AP3B1: variants seen among roughly 807,000 people sequenced by gnomAD.
AP3B1 encodes the protein adaptor related protein complex 3 subunit beta 1, also known as AP-3 complex subunit beta-1.
AP3B1 carries 61 observed loss-of-function variants against 132.5 expected under a neutral mutation model. The observed-to-expected ratio is 0.46, with a 90% CI of 0.37 to 0.57. The LOEUF is 0.57. AP3B1 is among the 20% of genes least tolerant of loss of function. The pLI is 0.00. For missense variants in AP3B1, 1,120 were observed against 1,289.4 expected (o/e 0.87, Z 2.01); for synonymous variants, 388 against 438.3 (o/e 0.89, Z 1.43).
intron 1 of AP3B1, among the ~76,000 whole-genome samples, chr5:78,277,579 A>G (rs534094405): frequency 6.6e-6 from 1 of 152,374 alleles, no homozygotes; most frequent in Admixed American, 6.5e-5. Flanking sequence ...TCGAAGTACA[A>G]GGAGACAACC....
At chr5:78,204,740 T>A (rs912240695) in intron 7 of AP3B1, among the ~76,000 whole-genome samples, 1 of 152,176 alleles carries the variant, frequency 6.6e-6, no homozygotes, top group African/African-American at 2.4e-5. Context: ...CACACCTCTT[T>A]GCGAACAGAA....
At chr5:78,158,416 A>G (rs888057142) in intron 13 of AP3B1, among the ~76,000 whole-genome samples, 4 of 152,074 alleles carry the variant, frequency 2.6e-5, no homozygotes, top group African/African-American at 9.7e-5. Context: ...CGTGATCACA[A>G]CACTATACTC....
intron 24 of AP3B1, among the ~76,000 whole-genome samples, chr5:78,027,346 C>T (rs188210788): frequency 5.3e-5 from 8 of 152,204 alleles, no homozygotes; most frequent in East Asian, 1.9e-4. Flanking sequence ...TCTTTCCCCA[C>T]GGATTTGAAA....
intron 22 of AP3B1, among the ~76,000 whole-genome samples, chr5:78,039,919 T>C (rs965553346): frequency 9.9e-5 from 15 of 151,902 alleles, no homozygotes; most frequent in African/African-American, 3.6e-4. Flanking sequence ...TTAGTTTTTT[T>C]CCCTAGATCC....
intron 11 of AP3B1, 45 bp downstream of exon 11, chr5:78,175,581 A>G (rs1198375515): frequency 6.7e-7 from 1 of 1,491,446 alleles, no homozygotes; most frequent in South Asian, 1.1e-5. Flanking sequence ...ATATCTCTTC[A>G]AAACAAATGT....
At chr5:78,018,396 T>G (rs1746944058) in intron 25 of AP3B1, among the ~76,000 whole-genome samples, 2 of 152,042 alleles carry the variant, frequency 1.3e-5, no homozygotes, top group African/African-American at 4.8e-5. Context: ...ATGTTGCATA[T>G]TAGAAATAAA....
intron 3 of AP3B1, among the ~76,000 whole-genome samples, chr5:78,233,237 C>CTTTTTTTTT (rs71613940): frequency 1.4e-5 from 2 of 139,308 alleles, no homozygotes; most frequent in African/African-American, 2.7e-5. Context: ...TTTCTTTTTT[C>CTTTTTTTTT]TTTTTTTTTT....
intron 26 of AP3B1, among the ~76,000 whole-genome samples, chr5:78,006,061 A>T (rs750604606): frequency 6.6e-6 from 1 of 152,190 alleles, no homozygotes; most frequent in Non-Finnish European, 1.5e-5. Flanking sequence ...GAAATTTTTG[A>T]TCACTATAAT....
intron 22 of AP3B1, among the ~76,000 whole-genome samples, chr5:78,059,927 T>G (rs182607266): frequency 6.6e-6 from 1 of 152,150 alleles, no homozygotes; most frequent in African/African-American, 2.4e-5. Context: ...TTAGAAGTAG[T>G]AGTGATAGAT....
intron 7 of AP3B1, among the ~76,000 whole-genome samples, chr5:78,211,955 C>T (rs1745755448): frequency 6.6e-6 from 1 of 152,150 alleles, no homozygotes; most frequent in African/African-American, 2.4e-5. Context: ...TATAATAATT[C>T]TGATTGCCCT....
At chr5:78,270,364 T>C (rs923879382) in intron 1 of AP3B1, among the ~76,000 whole-genome samples, 1 of 152,258 alleles carries the variant, frequency 6.6e-6, no homozygotes, top group South Asian at 2.1e-4. Context: ...AAAATTATGG[T>C]ACACCAAAAT....
chr5:78,262,048 C>T (rs752262959), intron 2 of AP3B1, among the ~76,000 whole-genome samples: 3 of 152,184 alleles, frequency 2.0e-5, no homozygotes, highest in Non-Finnish European at 4.4e-5. Flanking sequence ...GGATTACAGG[C>T]GTGAGCCACC....
Position 78,294,168 on chromosome 5 carries a change from TTCAA to T in AP3B1, c.128+280_128+283del, listed in dbSNP as rs141171444. ...ACTCCTGAGCCCAGCCCAAGTCCAA[TTCAA>T]TCAGTGTCTTCAGGGGTGGGATCTA... On this transcript the variant is annotated intron_variant, in intron 1 of 26. Transcript: ENST00000255194. 0.01 allele frequency among the ~76,000 whole-genome samples: 1,530 copies of T among 152,268 alleles called. 21 individuals carry two copies. Among genetic ancestry groups the T allele is most frequent in the African/African-American group, 0.034 (1,413 of 41,560 alleles).
intron 23 of AP3B1, among the ~76,000 whole-genome samples, chr5:78,035,266 AATATGT>A (rs1747759812): frequency 6.6e-6 from 1 of 151,998 alleles, no homozygotes; most frequent in Non-Finnish European, 1.5e-5. Flanking sequence ...ATCTTAAATA[AATATGT>A]ATATATTTGT....
At chr5:78,245,224 C>A (rs866514775) in intron 2 of AP3B1, among the ~76,000 whole-genome samples, 4 of 152,110 alleles carry the variant, frequency 2.6e-5, no homozygotes, top group South Asian at 4.1e-4. Context: ...ACGTTCAGGG[C>A]GAAACAGTGA....
At chr5:78,003,101 T>TA (rs1561346910) in intron 26 of AP3B1, 46 bp from the exon 27 acceptor site, 1 of 1,590,444 alleles carries the variant, frequency 6.3e-7, no homozygotes, top group Admixed American at 1.7e-5. Context: ...ATGGGGAGGG[T>TA]AAAGGAGATA....
chr5:78,042,043 A>G (rs896105149), intron 22 of AP3B1: 3 of 211,770 alleles, frequency 1.4e-5, no homozygotes, highest in Non-Finnish European at 3.0e-5. Flanking sequence ...AGAGCTGGCC[A>G]CCTGCTCTTT....
chr5:78,233,937 T>C (rs536935968), intron 3 of AP3B1, among the ~76,000 whole-genome samples: 3 of 152,204 alleles, frequency 2.0e-5, no homozygotes, highest in East Asian at 1.9e-4. Flanking sequence ...ACTCTTCCCC[T>C]AAGAGCATCT....
intron 20 of AP3B1, among the ~76,000 whole-genome samples, chr5:78,106,462 A>AG (rs1561410322): frequency 4.6e-5 from 7 of 151,264 alleles, no homozygotes; most frequent in African/African-American, 1.7e-4. Flanking sequence ...TGTCTCAAAA[A>AG]AAAGAAAGAA....
Sources: allele counts gnomAD v4.1 joint callset (sites outside exome capture counted in the v4.1 genomes callset), GRCh38; gene constraint gnomAD v4.1.1; transcripts MANE v1.5; gene names NCBI Gene and HGNC (gene_info 2026-07-23, HGNC 2026-07-21).